Variants in TMEM132A observed in about 807,000 individuals in gnomAD.
TMEM132A encodes transmembrane protein 132A.
A neutral mutation model predicts 69.9 loss-of-function variants in TMEM132A; 48 were observed. That is an observed-to-expected ratio of 0.69 (90% CI 0.55 to 0.87). The LOEUF is 0.87. Among genes scored for constraint, TMEM132A ranks in the 40% least tolerant of loss-of-function variants. The pLI, the probability that TMEM132A is intolerant of heterozygous loss-of-function variation, is 0.00. For synonymous variants in TMEM132A, 577 were observed against 613.7 expected (o/e 0.94, Z 0.88); for missense variants, 1,287 against 1,407.2 (o/e 0.91, Z 1.37).
At position 60,936,970 on chromosome 11, in the gene TMEM132A, T is replaced by G. The variant is rs1476907061; in HGVS notation, c.*63T>G. 7.2e-7 allele frequency: 1 copy of G among 1,384,056 alleles called. No individual in the cohort carries two copies. The highest frequency in any genetic ancestry group is 1.5e-5 in the African/African-American group (1 of 68,664). The allele number at this position is 1,384,056 out of a possible 1,614,324, so 85.7% of individuals were successfully genotyped here. On this transcript the variant is annotated 3_prime_UTR_variant, in exon 11 of 11. Transcript: ENST00000453848. ...ACGAGGGTGGAGGTCCCACTGAGCCTCTCGCCTGCCCCCGCCACTCGTCTG... is the reference window on the plus strand; with the variant it reads ...ACGAGGGTGGAGGTCCCACTGAGCCGCTCGCCTGCCCCCGCCACTCGTCTG...
intron 5 of TMEM132A, 123 bp downstream of exon 5, chr11:60,930,782 T>C: frequency 3.1e-6 from 3 of 971,288 alleles, no homozygotes; most frequent in South Asian, 3.6e-5. Flanking sequence ...CAAGGACAGA[T>C]TTTTTCAAGG....
Position 60,924,684 on chromosome 11 carries a change from C to A in TMEM132A, c.51C>A (p.Tyr17Ter). 6.3e-7 allele frequency: 1 copy of A among 1,591,900 alleles called. No homozygotes were observed. ...CAACAGCGGCCCCTCGGGGGCCCTA[C>A]GGCCCCTGGCTCTGCCTCCTGGTGG... ...GRTTAAPRGP[Y>*]GPWLCLLVAL... Residue 17 changes from tyrosine (Y) to a stop codon, truncating the protein, a stop_gained, in exon 1 of 11, where the codon TAC (tyrosine) becomes TAA (stop). Transcript: ENST00000453848. LOFTEE classifies it high-confidence loss of function.
chr11:60,930,463 A>G (rs780510207), intron 4 of TMEM132A, 47 bp from the exon 5 acceptor site: 20 of 1,520,786 alleles, frequency 1.3e-5, no homozygotes, highest in Non-Finnish European at 1.7e-5. Context: ...TCCAGCCCAC[A>G]GTTCAGCATG....
intron 1 of TMEM132A, 71 bp downstream of exon 1, chr11:60,924,804 A>T: frequency 8.7e-7 from 1 of 1,146,604 alleles, no homozygotes; most frequent in Non-Finnish European, 1.2e-6. Flanking sequence ...GATGCCCGGG[A>T]GCCACCAACC....
At chr11:60,926,289 C>T (rs1197646009) in intron 1 of TMEM132A, among the ~76,000 whole-genome samples, 1 of 152,154 alleles carries the variant, frequency 6.6e-6, no homozygotes, top group Non-Finnish European at 1.5e-5. Context: ...TACCTGGGAT[C>T]AACCCCCAGC....
chr11:60,934,492 G>A lies in TMEM132A; in HGVS notation c.1564G>A (p.Ala522Thr), dbSNP rs199507865. 5.1e-3 allele frequency: 7,116 copies of A among 1,389,870 alleles called. 32 individuals carry two copies. Among genetic ancestry groups the A allele is most frequent in the Admixed American group, 7.2e-3 (207 of 28,670 alleles). The allele number at this position is 1,389,870 out of a possible 1,614,324, so 86.1% of individuals were successfully genotyped here. A position where few individuals can be genotyped will look rare whatever the true frequency, so the allele number is the denominator to read the frequency against. ...CCCGGCCTCCCCGCCCTGCAGGCCT[G>A]CGGAACCCGCTGCAGAGGCGTCGGA... ...WRVPGPAEGP[A>T]EPAAEASDEA... The change falls in exon 9 of 11, where the codon GCG becomes ACG. Residue 522 changes from alanine to threonine, a missense_variant. Ala to Thr is a moderately conservative substitution (Grantham distance 58). Coordinates refer to ENST00000453848, the MANE Select transcript of TMEM132A (RefSeq NM_178031.3).
chr11:60,926,904 A>G, intron 1 of TMEM132A: 2 of 472,014 alleles, frequency 4.2e-6, no homozygotes, highest in Non-Finnish European at 7.8e-6. Flanking sequence ...GTTGGGGAAA[A>G]GGAGACATTG....
intron 1 of TMEM132A, chr11:60,925,750 G>A (rs953363662): frequency 6.6e-6 from 1 of 152,268 alleles, no homozygotes; most frequent in African/African-American, 2.4e-5. Flanking sequence ...ATAGAGAGAG[G>A]AGGAAAACCT....
chr11:60,927,675 G>T lies in TMEM132A; in HGVS notation c.350G>T (p.Arg117Leu). 1 of 1,613,050 alleles carries T rather than the reference G, an allele frequency of 6.2e-7. No homozygotes were observed. Among genetic ancestry groups the T allele is most frequent in the South Asian group, 1.1e-5 (1 of 91,076 alleles). The change falls in exon 3 of 11, where the codon CGG becomes CTG. Residue 117 changes from arginine (R) to leucine (L), a missense_variant. Physicochemically the swap from Arg to Leu is moderately radical, Grantham distance 102 (BLOSUM62 -2). Transcript: ENST00000453848. ...CCTCGAGTCACTGAGCCCCACCAAC[G>T]GCCAGTCCCATGGGACGTGCGGGCC... is the stretch of plus-strand genomic sequence containing the variant. ...VPPRVTEPHQRPVPWDVRAVS... is the reference protein window; with the variant it reads ...VPPRVTEPHQLPVPWDVRAVS...
At chr11:60,932,235 C>G in intron 7 of TMEM132A, 108 bp downstream of exon 7, 1 of 1,350,908 alleles carries the variant, frequency 7.4e-7, no homozygotes, top group Non-Finnish European at 9.7e-7. Flanking sequence ...ACAGCTTCTT[C>G]TTGAGACGAG....
chr11:60,930,718 T>C (rs1013003002), intron 5 of TMEM132A, 59 bp downstream of exon 5: 14 of 1,505,226 alleles, frequency 9.3e-6, no homozygotes, highest in Non-Finnish European at 1.2e-5. Flanking sequence ...TAGAGTGCAG[T>C]TGAGCAGATT....
At chr11:60,925,972 T>C (rs2134890307) in intron 1 of TMEM132A, 1 of 152,358 alleles carries the variant, frequency 6.6e-6, no homozygotes, top group Admixed American at 6.5e-5. Context: ...TAGGGAGCGC[T>C]TCCTAGTTTG....
At chr11:60,931,908 T>G (rs762398608) in intron 6 of TMEM132A, 24 bp downstream of exon 6, 35 of 1,614,026 alleles carry the variant, frequency 2.2e-5, no homozygotes, top group Non-Finnish European at 2.5e-5. Flanking sequence ...CATCTCTGCC[T>G]GGGAAGGCTG....
At chr11:60,925,069 A>C (rs1053718149) in intron 1 of TMEM132A, 7 of 255,760 alleles carry the variant, frequency 2.7e-5, no homozygotes, top group Non-Finnish European at 5.3e-5. Flanking sequence ...CGTCATCCCC[A>C]CTCCCTCACT....
chr11:60,936,686 C>G lies in TMEM132A; in HGVS notation c.2851C>G (p.Leu951Val). Reference sequence around the variant, plus strand: ...GGGCACCACCAGCTCCTCAAGCACCCTGGCCCGAAAGGAGGCTGGGGGGCG... The same window carrying G: ...GGGCACCACCAGCTCCTCAAGCACCGTGGCCCGAAAGGAGGCTGGGGGGCG... ...PGGTTSSSST[L>V]ARKEAGGRRK... The change falls in exon 11 of 11, where the codon CTG becomes GTG. Residue 951 changes from leucine (L) to valine (V), a missense_variant. Physicochemically the swap from Leu to Val is conservative, Grantham distance 32. Coordinates refer to ENST00000453848, the MANE Select transcript of TMEM132A (RefSeq NM_178031.3). 6.4e-7 allele frequency: 1 copy of G among 1,562,650 alleles called. No individual in the cohort carries two copies.
chr11:60,933,299 C>T (rs1856518978), intron 7 of TMEM132A: 1 of 536,676 alleles, frequency 1.9e-6, no homozygotes, highest in Non-Finnish European at 3.3e-6. Flanking sequence ...CCTCCCACCT[C>T]AGCCTCCCCA....
In TMEM132A at chr11:60,936,728, T is replaced by C; in HGVS notation, c.2893T>C (p.Phe965Leu). ...TGGGGGGCGGCGGAAGCGAGTAGAG[T>C]TTGTGACATTTGCGCCAGCCCCTCC... Reference protein sequence around the residue: ...EAGGRRKRVEFVTFAPAPPAQ... With the variant: ...EAGGRRKRVELVTFAPAPPAQ... Residue 965 changes from phenylalanine (F) to leucine (L), a missense_variant, in exon 11 of 11, where the codon TTT becomes CTT. Phe to Leu is a conservative substitution (Grantham distance 22). Coordinates refer to ENST00000453848, the MANE Select transcript of TMEM132A (RefSeq NM_178031.3). 6.3e-7 allele frequency: 1 copy of C among 1,595,366 alleles called. No individual in the cohort carries two copies. Among genetic ancestry groups the C allele is most frequent in the Non-Finnish European group, 8.5e-7 (1 of 1,171,644 alleles).
chr11:60,932,166 G>A, intron 7 of TMEM132A, 39 bp downstream of exon 7: 2 of 1,514,058 alleles, frequency 1.3e-6, no homozygotes, highest in Non-Finnish European at 1.8e-6. Context: ...GTCTGCATTT[G>A]TGTGGGCACA....
At chr11:60,929,005 G>A in intron 4 of TMEM132A, 45 bp downstream of exon 4, 1 of 1,589,612 alleles carries the variant, frequency 6.3e-7, no homozygotes. Flanking sequence ...GAACCTCTGT[G>A]GGAAGACTAG....
Sources: gnomAD v4.1 joint callset for allele counts (sites outside exome capture counted in the v4.1 genomes callset) on GRCh38, gnomAD v4.1.1 for gene constraint, MANE v1.5 for transcripts, NCBI Gene and HGNC (gene_info 2026-07-23, HGNC 2026-07-21) for gene names.